UTY: variants seen among roughly 807,000 people sequenced by gnomAD.
UTY encodes ubiquitously transcribed tetratricopeptide repeat containing, Y-linked.
UTY carries 12 observed loss-of-function variants against 32.5 expected under a neutral mutation model. The observed-to-expected ratio is 0.37, with a 90% CI of 0.24 to 0.60. The LOEUF is 0.60. Among genes scored for constraint, UTY ranks in the 20% least tolerant of loss-of-function variants. UTY has a pLI of 0.69. For synonymous variants in UTY, 131 were observed against 103.4 expected (o/e 1.27, Z -1.62); for missense variants, 303 against 299.2 (o/e 1.01, Z -0.09).
intron 4 of UTY, among the ~76,000 whole-genome samples, chrY:13,440,368 T>A (rs2075070095): frequency 5.9e-5 from 2 of 33,810 alleles, no homozygotes; most frequent in Non-Finnish European, 1.5e-4. Flanking sequence ...CTTCTAGTAA[T>A]ATTTGCTGTA....
intron 8 of UTY, among the ~76,000 whole-genome samples, chrY:13,379,484 A>G: frequency 1.2e-4 from 4 of 32,523 alleles, no homozygotes; most frequent in Non-Finnish European, 3.0e-4. Context: ...CAACAAACCC[A>G]AAATGGAGGA....
At chrY:13,450,564 C>A (rs1053738840) in intron 3 of UTY, among the ~76,000 whole-genome samples, 1 of 33,613 alleles carries the variant, frequency 3.0e-5, no homozygotes, top group Non-Finnish European at 7.4e-5. Flanking sequence ...GTTGCTCACG[C>A]CTGTAATCCC....
intron 17 of UTY, among the ~76,000 whole-genome samples, chrY:13,338,227 T>C: frequency 1.5e-4 from 4 of 26,733 alleles, no homozygotes; most frequent in Non-Finnish European, 2.6e-4. Flanking sequence ...CGGGGTTTCA[T>C]GGCTGGGCGT....
At chrY:13,428,022 C>T (rs2073513384) in intron 4 of UTY, among the ~76,000 whole-genome samples, 1 of 33,066 alleles carries the variant, frequency 3.0e-5, no homozygotes, top group Non-Finnish European at 7.5e-5. Flanking sequence ...TGGAAAATGC[C>T]TGTTCATACC....
In UTY at chrY:13,428,622, C is replaced by T. The variant is rs765253077; in HGVS notation, c.376-13829G>A. 2.7e-4 allele frequency among the ~76,000 whole-genome samples: 9 copies of T among 33,477 alleles called. No individual in the cohort carries two copies. The East Asian group carries it at 5.4e-3, about 20-fold the overall frequency. The allele number at this position is 33,477 out of a possible 37,273, so 89.8% of individuals were successfully genotyped here. On this transcript the variant is annotated intron_variant, in intron 4 of 29. Coordinates refer to ENST00000545955, the MANE Select transcript of UTY (RefSeq NM_001258249.2). Reference sequence around the variant, plus strand: ...AGGTGTAATTTGAAGTCAGGTAATACGATACCTCCAGCTTTGTTCTTTTTG... The same window carrying T: ...AGGTGTAATTTGAAGTCAGGTAATATGATACCTCCAGCTTTGTTCTTTTTG...
intron 4 of UTY, among the ~76,000 whole-genome samples, chrY:13,440,771 C>A: frequency 6.0e-5 from 2 of 33,338 alleles, no homozygotes; most frequent in Non-Finnish European, 1.5e-4. Flanking sequence ...CCTGGATACC[C>A]TCCACCAATA....
intron 4 of UTY, among the ~76,000 whole-genome samples, chrY:13,426,195 C>G: frequency 3.2e-5 from 1 of 31,521 alleles, no homozygotes; most frequent in African/African-American, 1.2e-4. Context: ...ACAAACCAAA[C>G]AGAAATACTA....
intron 6 of UTY, among the ~76,000 whole-genome samples, chrY:13,398,377 T>C (rs2068511582): frequency 3.0e-5 from 1 of 33,355 alleles, no homozygotes; most frequent in Non-Finnish European, 7.4e-5. Flanking sequence ...AGTATCTGTA[T>C]GAAAGTAAAG....
At chrY:13,410,929 G>A (rs1050098659) in intron 6 of UTY, 64 bp downstream of exon 6, 128 of 366,765 alleles carry the variant, frequency 3.5e-4, no homozygotes, top group Non-Finnish European at 4.7e-4. Context: ...GTGTGCATGC[G>A]CACATGTGCA....
Position 13,451,721 on chromosome Y carries a change from A to G in UTY, c.326-2655T>C, listed in dbSNP as rs1432665763. Among the ~76,000 whole-genome samples the G allele has an allele frequency of 1.8e-4, 6 of 33,667 alleles. No individual in the cohort carries two copies. In the East Asian group the frequency reaches 4.8e-3, roughly 27 times the overall value. 90.3% of individuals were successfully genotyped at this position (33,667 alleles called of 37,273 possible). A position where few individuals can be genotyped will look rare whatever the true frequency, so the allele number is the denominator to read the frequency against. On this transcript the variant is annotated intron_variant, in intron 3 of 29. Coordinates refer to ENST00000545955, the MANE Select transcript of UTY (RefSeq NM_001258249.2). ...AGTAGAAAGCACAGACATCTATCAT[A>G]TATCAGGCTACCTATTGCATTAATG...
chrY:13,441,637 A>G, intron 4 of UTY, among the ~76,000 whole-genome samples: 1 of 33,702 alleles, frequency 3.0e-5, no homozygotes, highest in Admixed American at 2.7e-4. Context: ...GAGAAAATAA[A>G]AAGGGTAAAA....
chrY:13,318,579 T>C (rs2059647560), intron 21 of UTY, among the ~76,000 whole-genome samples: 2 of 33,314 alleles, frequency 6.0e-5, no homozygotes, highest in South Asian at 6.5e-4. Flanking sequence ...AAAACACTTA[T>C]ACATTAAAGG....
intron 28 of UTY, among the ~76,000 whole-genome samples, chrY:13,254,304 T>C (rs2054496147): frequency 6.1e-5 from 2 of 32,926 alleles, no homozygotes; most frequent in Admixed American, 5.6e-4. Flanking sequence ...TTGTTTTAAC[T>C]GTGGGAAGCA....
chrY:13,360,829 A>G, intron 10 of UTY, among the ~76,000 whole-genome samples: 1 of 33,220 alleles, frequency 3.0e-5, no homozygotes, highest in Non-Finnish European at 7.4e-5. Flanking sequence ...AAAGCTCTCT[A>G]TTTACACAAG....
intron 3 of UTY, among the ~76,000 whole-genome samples, chrY:13,464,680 A>G (rs2077733865): frequency 6.3e-5 from 2 of 31,969 alleles, no homozygotes; most frequent in African/African-American, 1.2e-4. Context: ...GCTGAGGCAC[A>G]AGAATCCCTT....
At chrY:13,305,582 G>C in intron 23 of UTY, 35 bp from the exon 24 acceptor site, 1 of 364,007 alleles carries the variant, frequency 2.7e-6, no homozygotes, top group Non-Finnish European at 3.8e-6. Flanking sequence ...GTAAAAACTC[G>C]TAAGAATCAC....
At chrY:13,236,665 G>A (rs2053855747) in intron 28 of UTY, among the ~76,000 whole-genome samples, 1 of 33,051 alleles carries the variant, frequency 3.0e-5, no homozygotes, top group Admixed American at 2.8e-4. Flanking sequence ...ATTTTCACAA[G>A]CTAAGCTCAG....
In UTY at chrY:13,403,366, T is replaced by G. The variant is rs2300229; in HGVS notation, c.556-6394A>C. On this transcript the variant is annotated intron_variant, in intron 6 of 29. Coordinates refer to ENST00000545955, the MANE Select transcript of UTY (RefSeq NM_001258249.2). ...TGGAGTGCAGTGGTGGGATCTCAGC[T>G]CACTGGAACCGCCGAATCTCAGGTT... Among the ~76,000 whole-genome samples, 541 of 31,313 alleles carry G rather than the reference T, an allele frequency of 0.017. No homozygotes were observed. In the East Asian group the frequency reaches 0.46, roughly 26 times the overall value. 84.0% of individuals were successfully genotyped at this position (31,313 alleles called of 37,273 possible). A position where few individuals can be genotyped will look rare whatever the true frequency, so the allele number is the denominator to read the frequency against.
intron 24 of UTY, among the ~76,000 whole-genome samples, 160 bp from the exon 25 acceptor site, chrY:13,303,151 T>C (rs1011141288): frequency 5.9e-5 from 2 of 33,958 alleles, no homozygotes; most frequent in Non-Finnish European, 1.5e-4. Flanking sequence ...TAGTCATTAG[T>C]AGTTCCTTCT....
Sources: allele counts gnomAD v4.1 joint callset (sites outside exome capture counted in the v4.1 genomes callset), GRCh38; gene constraint gnomAD v4.1.1; transcripts MANE v1.5; gene names NCBI Gene and HGNC (gene_info 2026-07-23, HGNC 2026-07-21).